SPAG16: variants seen among roughly 807,000 people sequenced by gnomAD.
SPAG16 encodes the protein sperm associated antigen 16, also known as sperm-associated antigen 16 protein.
A neutral mutation model predicts 80.4 loss-of-function variants in SPAG16; 86 were observed. The ratio of observed to expected loss-of-function variants is 1.07; its 90% CI spans 0.90 to 1.28. The LOEUF (loss-of-function observed/expected upper bound fraction) is 1.28, where lower values mean the gene tolerates loss of function less well. SPAG16 is among the 50% of genes most tolerant of loss of function. The pLI is 0.00. For synonymous variants in SPAG16, 294 were observed against 265.9 expected, an observed-to-expected ratio of 1.11 and a Z score of -1.03; for missense variants, 870 against 765.3, an observed-to-expected ratio of 1.14 and a Z score of -1.61.
chr2:213,389,910 C>T (rs1191651840), intron 9 of SPAG16, among the ~76,000 whole-genome samples: 1 of 152,050 alleles, frequency 6.6e-6, no homozygotes, highest in Non-Finnish European at 1.5e-5. Context: ...TTGAAAGCAG[C>T]ATGTTAAAAA....
At chr2:213,336,043 G>C (rs538229062) in intron 5 of SPAG16, among the ~76,000 whole-genome samples, 2 of 152,216 alleles carry the variant, frequency 1.3e-5, no homozygotes, top group South Asian at 4.2e-4. Flanking sequence ...GCGCAACCCA[G>C]GGAGAGCAAA....
intron 11 of SPAG16, among the ~76,000 whole-genome samples, chr2:213,916,634 G>T (rs188082118): frequency 1.3e-5 from 2 of 152,212 alleles, no homozygotes; most frequent in East Asian, 3.9e-4. Context: ...AGAAAAACCT[G>T]CAACCATGAT....
At chr2:214,098,367 G>A (rs1378722074) in intron 13 of SPAG16, among the ~76,000 whole-genome samples, 1 of 152,004 alleles carries the variant, frequency 6.6e-6, no homozygotes, top group African/African-American at 2.4e-5. Context: ...GAAGGTGACT[G>A]TATTTGGAGA....
chr2:213,716,973 A>AT (rs1358827141), intron 10 of SPAG16, among the ~76,000 whole-genome samples: 8 of 151,928 alleles, frequency 5.3e-5, no homozygotes, highest in African/African-American at 9.7e-5. Context: ...GTTTGTGCTT[A>AT]TTTTTTTTCC....
chr2:214,234,082 C>T (rs1028494288), intron 15 of SPAG16, among the ~76,000 whole-genome samples: 4 of 151,802 alleles, frequency 2.6e-5, no homozygotes, highest in East Asian at 2.0e-4. Flanking sequence ...TTTCCCCCCC[C>T]ATGTGTCCAT....
At chr2:213,615,744 G>A (rs904940135) in intron 10 of SPAG16, among the ~76,000 whole-genome samples, 29 of 152,048 alleles carry the variant, frequency 1.9e-4, no homozygotes, top group African/African-American at 6.8e-4. Flanking sequence ...AGTTTGTTTT[G>A]TGTAAATAGC....
At chr2:213,602,240 A>G (rs773052239) in intron 10 of SPAG16, among the ~76,000 whole-genome samples, 3 of 152,212 alleles carry the variant, frequency 2.0e-5, no homozygotes, top group Non-Finnish European at 4.4e-5. Flanking sequence ...CTGCACAATG[A>G]CAAAATCACC....
At chr2:213,816,054 C>G (rs748155866) in intron 10 of SPAG16, among the ~76,000 whole-genome samples, 3 of 152,106 alleles carry the variant, frequency 2.0e-5, no homozygotes, top group Non-Finnish European at 2.9e-5. Context: ...AAACCTAGAT[C>G]AAGAAACAAA....
chr2:213,932,495 G>A (rs1477373446), intron 12 of SPAG16, among the ~76,000 whole-genome samples: 2 of 151,928 alleles, frequency 1.3e-5, no homozygotes, highest in African/African-American at 2.4e-5. Flanking sequence ...GAACCACTGC[G>A]CCTGGCCATG....
chr2:213,691,059 C>G (rs2064923879), intron 10 of SPAG16, among the ~76,000 whole-genome samples: 3 of 152,128 alleles, frequency 2.0e-5, no homozygotes. Flanking sequence ...GCCTAATCAC[C>G]TCTTAAAGGC....
At chr2:214,189,739 G>C (rs2057596085) in intron 15 of SPAG16, among the ~76,000 whole-genome samples, 1 of 151,820 alleles carries the variant, frequency 6.6e-6, no homozygotes, top group Non-Finnish European at 1.5e-5. Context: ...AAGTTTTTAA[G>C]AGGTGCTTTT....
intron 10 of SPAG16, among the ~76,000 whole-genome samples, chr2:213,773,013 A>C (rs1425244438): frequency 6.6e-6 from 1 of 150,644 alleles, no homozygotes; most frequent in Non-Finnish European, 1.5e-5. Flanking sequence ...TTTTTCATTC[A>C]TATGGTTTGT....
At chr2:214,007,721 C>A (rs980751003) in intron 12 of SPAG16, among the ~76,000 whole-genome samples, 3 of 152,102 alleles carry the variant, frequency 2.0e-5, no homozygotes, top group Non-Finnish European at 4.4e-5. Context: ...TTGCTCTGCA[C>A]ATTATGTTTA....
intron 15 of SPAG16, among the ~76,000 whole-genome samples, chr2:214,174,003 A>C (rs2056979417): frequency 1.3e-5 from 2 of 152,164 alleles, no homozygotes; most frequent in South Asian, 4.1e-4. Flanking sequence ...GATGCAGAAA[A>C]GGCCTTTGAC....
intron 15 of SPAG16, among the ~76,000 whole-genome samples, chr2:214,384,316 A>G (rs1406964280): frequency 1.3e-5 from 2 of 152,188 alleles, no homozygotes; most frequent in African/African-American, 2.4e-5. Flanking sequence ...CTACTTAAAT[A>G]CTGTTGGTAC....
chr2:214,358,918 C>T lies in SPAG16; in HGVS notation c.1721-51222C>T, dbSNP rs1198798855. 3.3e-5 allele frequency among the ~76,000 whole-genome samples: 5 copies of T among 151,848 alleles called. No individual in the cohort carries two copies. In the Admixed American group the frequency reaches 3.3e-4, roughly 10 times the overall value. On this transcript the variant is annotated intron_variant, in intron 15 of 15. Coordinates refer to ENST00000331683, the MANE Select transcript of SPAG16 (RefSeq NM_024532.5). Reference sequence around the variant, plus strand: ...CTACTGCATTTAGAACCTATGACTTCCTAATAAGGAATTCATTGATATTAA... The same window carrying T: ...CTACTGCATTTAGAACCTATGACTTTCTAATAAGGAATTCATTGATATTAA...
chr2:213,883,099 G>T (rs1438460663), intron 11 of SPAG16, among the ~76,000 whole-genome samples: 1 of 152,134 alleles, frequency 6.6e-6, no homozygotes, highest in Non-Finnish European at 1.5e-5. Flanking sequence ...TGCAAAGGTA[G>T]ATTGTTAATT....
chr2:213,365,924 C>T (rs1460901264), intron 8 of SPAG16, among the ~76,000 whole-genome samples: 5 of 150,092 alleles, frequency 3.3e-5, no homozygotes, highest in Admixed American at 2.0e-4. Context: ...GGGCGGATCA[C>T]GAGGTCAGGA....
intron 15 of SPAG16, among the ~76,000 whole-genome samples, chr2:214,199,932 A>G (rs559596319): frequency 6.6e-6 from 1 of 152,252 alleles, no homozygotes; most frequent in South Asian, 2.1e-4. Flanking sequence ...AGTGCTACTG[A>G]TTTGTGTACA....
Sources: gnomAD v4.1 joint callset for allele counts (sites outside exome capture counted in the v4.1 genomes callset) on GRCh38, gnomAD v4.1.1 for gene constraint, MANE v1.5 for transcripts, NCBI Gene and HGNC (gene_info 2026-07-23, HGNC 2026-07-21) for gene names.